The following MYO10 variants were observed in gnomAD, a reference collection of about 807,000 sequenced individuals.
MYO10 encodes the protein myosin X, also known as unconventional myosin-X.
Under a neutral mutation model 257.3 loss-of-function variants are expected in MYO10, and 133 were observed. That is an observed-to-expected ratio of 0.52 (90% confidence interval 0.45 to 0.60). The LOEUF (loss-of-function observed/expected upper bound fraction) is 0.60. MYO10 is among the 20% of genes least tolerant of loss of function. MYO10 has a pLI of 0.00. For synonymous variants in MYO10, 1,104 were observed against 1,028.6 expected (o/e 1.07, Z -1.40); for missense variants, 2,399 against 2,635.7 (o/e 0.91, Z 1.97).
intron 21 of MYO10, 194 bp downstream of exon 21, chr5:16,710,714 A>T: frequency 1.7e-6 from 1 of 587,946 alleles, no homozygotes; most frequent in South Asian, 2.1e-5. Context: ...AGTCCCTGAC[A>T]AGTCAAGGAC....
At chr5:16,846,319 A>C (rs1443999967) in intron 2 of MYO10, among the ~76,000 whole-genome samples, 11 of 152,292 alleles carry the variant, frequency 7.2e-5, no homozygotes, top group Non-Finnish European at 5.9e-5. Context: ...ATTAAAAACC[A>C]CCTTGAAGTC....
In MYO10 at chr5:16,674,266, G is replaced by C. The variant is rs185938453; in HGVS notation, c.4965-377C>G. On this transcript the variant is annotated intron_variant, in intron 35 of 40. Transcript: ENST00000513610. ...GTGGATCACCTGAGGTCAGAAGTTC[G>C]AGACCAGCCTGGCCAACACGGTGAA... Among the ~76,000 whole-genome samples the C allele has an allele frequency of 5.5e-3, 830 of 152,188 alleles. 9 individuals are homozygous for C. The highest frequency in any genetic ancestry group is 0.019 in the African/African-American group (775 of 41,520).
chr5:16,882,796 C>G (rs964313699), intron 1 of MYO10, among the ~76,000 whole-genome samples: 2 of 152,152 alleles, frequency 1.3e-5, no homozygotes, highest in African/African-American at 4.8e-5. Context: ...TGTCCTAACA[C>G]TGCCCTGTGG....
intron 1 of MYO10, among the ~76,000 whole-genome samples, chr5:16,880,531 A>T (rs171716): frequency 0.61 from 92,930 of 151,932 alleles, 28,538 homozygotes; most frequent in African/African-American, 0.66. Context: ...CCATTCATAG[A>T]TCTTCAAAGA....
chr5:16,817,548 T>C (rs1742661669), intron 3 of MYO10, among the ~76,000 whole-genome samples: 2 of 152,322 alleles, frequency 1.3e-5, no homozygotes, highest in Admixed American at 6.5e-5. Flanking sequence ...ATGGGTTCCC[T>C]TGAATGCAAG....
At position 16,863,519 on chromosome 5, in the gene MYO10, A is replaced by G. The variant is rs140123208; in HGVS notation, c.120+14090T>C. Among the ~76,000 whole-genome samples, 1,333 of 152,338 alleles carry G rather than the reference A, an allele frequency of 8.8e-3. 18 individuals are homozygous for G. The highest frequency in any genetic ancestry group is 0.011 in the Non-Finnish European group (773 of 68,030). ...AGCTAAGGTCTACAACACCTCACAT[A>G]GCCCACATTCCTATAACACAAACGT... On this transcript the variant is annotated intron_variant, in intron 2 of 40. Transcript: ENST00000513610.
At chr5:16,689,716 A>G (rs149840197) in intron 28 of MYO10, 108 bp downstream of exon 28, 319 of 865,044 alleles carry the variant, frequency 3.7e-4, no homozygotes, top group Non-Finnish European at 5.1e-4. Context: ...AAAAAAGTCA[A>G]TTAAAATTTT....
At chr5:16,864,644 G>C (rs147652130) in intron 2 of MYO10, among the ~76,000 whole-genome samples, 302 of 152,296 alleles carry the variant, frequency 2.0e-3, no homozygotes, top group African/African-American at 6.8e-3. Flanking sequence ...CAATAAATGA[G>C]CTTTCTGTGC....
chr5:16,904,673 TA>T (rs755652196), intron 1 of MYO10, among the ~76,000 whole-genome samples: 1 of 152,176 alleles, frequency 6.6e-6, no homozygotes, highest in Non-Finnish European at 1.5e-5. Context: ...CTCACGCCTG[TA>T]ATCCCAGCAC....
intron 2 of MYO10, among the ~76,000 whole-genome samples, chr5:16,866,165 AATCCTTCAG>A (rs1269172877): frequency 7.2e-5 from 11 of 152,138 alleles, no homozygotes; most frequent in Admixed American, 2.6e-4. Flanking sequence ...AGTAATAGCA[AATCCTTCAG>A]ACACCCAGCA....
In MYO10 at chr5:16,670,834, T is replaced by C; in HGVS notation, c.5575A>G (p.Arg1859Gly). 1 of 1,613,998 alleles carries C rather than the reference T, an allele frequency of 6.2e-7. No homozygotes were observed. Among genetic ancestry groups the C allele is most frequent in the South Asian group, 1.1e-5 (1 of 91,080 alleles). Residue 1859 changes from arginine (R) to glycine (G), a missense_variant, in exon 39 of 41, where the codon AGA becomes GGA. Transcript: ENST00000513610. ...PPLEEVYSLQRLKARISQSTK... is the reference protein window; with the variant it reads ...PPLEEVYSLQGLKARISQSTK... Reference sequence around the variant, plus strand: ...GACTGGCTGATGCGGGCCTTGAGTCTCTGCAGGGAATAAACCTCTTCGAGA... The same window carrying C: ...GACTGGCTGATGCGGGCCTTGAGTCCCTGCAGGGAATAAACCTCTTCGAGA...
At chr5:16,861,503 C>T (rs1456643297) in intron 2 of MYO10, among the ~76,000 whole-genome samples, 1 of 151,946 alleles carries the variant, frequency 6.6e-6, no homozygotes, top group Admixed American at 6.5e-5. Flanking sequence ...ACCCAGGAGG[C>T]GGAGGTTGCA....
In MYO10 at chr5:16,662,323, T is replaced by TTTTTTTTTTTTTTTTTTG. The variant is rs1736014738; in HGVS notation, c.*4351_*4368dup. ...GTCTTAGATTTCTGAACTATTTTTT[T>TTTTTTTTTTTTTTTTTTG]TTTTTTTTTTTTTTTTTGGAGACAG... On this transcript the variant is annotated 3_prime_UTR_variant, in exon 41 of 41. Transcript: ENST00000513610. 1.5e-5 allele frequency: 1 copy of TTTTTTTTTTTTTTTTTTG among 64,902 alleles called. No individual in the cohort carries two copies. The highest frequency in any genetic ancestry group is 1.7e-4 in the Admixed American group (1 of 6,048). The allele number at this position is 64,902 out of a possible 1,614,324, so 4.0% of individuals were successfully genotyped here.
intron 33 of MYO10, among the ~76,000 whole-genome samples, chr5:16,678,624 TCTAAACAC>T (rs1402128447): frequency 2.0e-5 from 3 of 152,124 alleles, no homozygotes; most frequent in Admixed American, 1.3e-4. Context: ...AGAATCTGGT[TCTAAACAC>T]CTAAACACCC....
chr5:16,862,513 G>T (rs1744135083), intron 2 of MYO10, among the ~76,000 whole-genome samples: 1 of 151,968 alleles, frequency 6.6e-6, no homozygotes, highest in Non-Finnish European at 1.5e-5. Flanking sequence ...ACTGTTTTTT[G>T]TTCCCAAACA....
chr5:16,844,632 T>C lies in MYO10; in HGVS notation c.121-26465A>G, dbSNP rs536924338. Among the ~76,000 whole-genome samples the C allele has an allele frequency of 5.9e-5, 9 of 152,288 alleles. No homozygotes were observed. The East Asian group carries it at 7.7e-4, about 13-fold the overall frequency. On this transcript the variant is annotated intron_variant, in intron 2 of 40. Transcript: ENST00000513610. Reference sequence around the variant, plus strand: ...GCATAAACAGGATTCTAGTGCCTAATCTATACTCAACTACTAATTCTAAAT... The same window carrying C: ...GCATAAACAGGATTCTAGTGCCTAACCTATACTCAACTACTAATTCTAAAT...
At chr5:16,932,748 A>T (rs1194358912) in intron 1 of MYO10, among the ~76,000 whole-genome samples, 1 of 151,624 alleles carries the variant, frequency 6.6e-6, no homozygotes, top group African/African-American at 2.4e-5. Flanking sequence ...GCGCGCAGTA[A>T]GACACTATCT....
intron 1 of MYO10, among the ~76,000 whole-genome samples, chr5:16,884,424 A>T (rs1317915094): frequency 6.6e-6 from 1 of 152,234 alleles, no homozygotes; most frequent in Non-Finnish European, 1.5e-5. Context: ...ACAGAGGTCA[A>T]ATAACTTTGT....
intron 19 of MYO10, among the ~76,000 whole-genome samples, chr5:16,746,061 AG>A (rs1316213650): frequency 3.9e-5 from 6 of 152,254 alleles, no homozygotes; most frequent in Non-Finnish European, 7.3e-5. Context: ...CCATAGACAC[AG>A]CAGTCCCAAG....
Sources: allele counts gnomAD v4.1 joint callset (sites outside exome capture counted in the v4.1 genomes callset), GRCh38; gene constraint gnomAD v4.1.1; transcripts MANE v1.5; gene names NCBI Gene and HGNC (gene_info 2026-07-23, HGNC 2026-07-21).